Variants in EP400 observed in about 807,000 individuals in gnomAD.
EP400 encodes E1A-binding protein p400.
In EP400, 105 loss-of-function variants were observed where a neutral mutation model predicts 354.1. That is an observed-to-expected ratio of 0.30 (90% CI 0.25 to 0.35). EP400 has a LOEUF of 0.35. EP400 is among the 10% of genes least tolerant of loss of function. The pLI is 1.00. For missense variants in EP400, 3,280 were observed against 4,121.0 expected, an observed-to-expected ratio of 0.80 and a Z score of 5.59; for synonymous variants, 1,646 against 1,716.9, an observed-to-expected ratio of 0.96 and a Z score of 1.02.
At chr12:131,959,419 T>A (rs1340003619) in intron 1 of EP400, among the ~76,000 whole-genome samples, 1 of 152,060 alleles carries the variant, frequency 6.6e-6, no homozygotes, top group African/African-American at 2.4e-5. Flanking sequence ...AGTCCTCCTT[T>A]CCCCTGTAGA....
intron 13 of EP400, among the ~76,000 whole-genome samples, chr12:132,005,401 A>G (rs7313415): frequency 0.13 from 19,091 of 152,134 alleles, 1,636 homozygotes; most frequent in African/African-American, 0.24. Context: ...TCATGTTGTG[A>G]AGGATGTAAA....
intron 51 of EP400, among the ~76,000 whole-genome samples, chr12:132,072,677 C>T: frequency 6.6e-6 from 1 of 152,164 alleles, no homozygotes. Context: ...GTCAAGTTTA[C>T]TGTGTGTGTC....
chr12:131,981,974 G>A (rs186612428), intron 4 of EP400, 119 bp from the exon 5 acceptor site: 29 of 1,318,236 alleles, frequency 2.2e-5, no homozygotes, highest in African/African-American at 5.9e-5. Flanking sequence ...CCAACTTCTC[G>A]TGTGAGTGTG....
chr12:132,029,670 G>C lies in EP400; in HGVS notation c.5382-31G>C. ...GCTGGGTGAAGGTGTGTGGCTCCTGGTGGTGACAAAACATGCTTTCTGCTC... is the reference window on the plus strand; with the variant it reads ...GCTGGGTGAAGGTGTGTGGCTCCTGCTGGTGACAAAACATGCTTTCTGCTC... On this transcript the variant is annotated intron_variant, in intron 27 of 52. Transcript: ENST00000389561. This position sits in a 1 kb window ranked among gnomAD's most constrained non-coding sequence, Gnocchi z 4.7. 1 of 1,604,608 alleles carries C rather than the reference G, an allele frequency of 6.2e-7. No homozygotes were observed. Among genetic ancestry groups the C allele is most frequent in the Non-Finnish European group, 8.5e-7 (1 of 1,174,372 alleles).
At position 131,961,903 on chromosome 12, in the gene EP400, G is replaced by A. The variant is rs62635809; in HGVS notation, c.1284G>A (p.Glu428=). ...LRQNDLDIEE[E]EEEEEEEEEK... ...AGAATGATTTGGACATTGAAGAAGAGGAGGAGGAGGAGGAAGAGGAGGAAG... is the reference window on the plus strand; with the variant it reads ...AGAATGATTTGGACATTGAAGAAGAAGAGGAGGAGGAGGAAGAGGAGGAAG... The change falls in exon 2 of 53, where the codon GAG becomes GAA. Residue 428 remains glutamate, a synonymous_variant. Coordinates refer to ENST00000389561, the MANE Select transcript of EP400 (RefSeq NM_015409.5). The A allele has an allele frequency of 0.013, 20,594 of 1,594,878 alleles. 619 individuals are homozygous for A. The highest frequency in any genetic ancestry group is 0.082 in the South Asian group (7,432 of 90,484).
chr12:132,062,041 G>C, intron 45 of EP400, 69 bp from the exon 46 acceptor site: 1 of 1,423,572 alleles, frequency 7.0e-7, no homozygotes, highest in Non-Finnish European at 9.8e-7. Context: ...TGTCTTCCCT[G>C]CTCTGAGTGT....
intron 7 of EP400, among the ~76,000 whole-genome samples, chr12:131,989,475 T>C (rs960431256): frequency 1.3e-5 from 2 of 152,256 alleles, no homozygotes; most frequent in African/African-American, 4.8e-5. Context: ...TTTTCTCATC[T>C]TAATTCTCTC....
Position 132,079,417 on chromosome 12 carries a change from C to CA in EP400, c.*1745dup, listed in dbSNP as rs1896322683. 6.6e-6 allele frequency: 1 copy of CA among 152,306 alleles called. No individual in the cohort carries two copies. The highest frequency in any genetic ancestry group is 2.1e-4 in the South Asian group (1 of 4,838). 9.4% of individuals were successfully genotyped at this position (152,306 alleles called of 1,614,324 possible). The stretch of plus-strand genomic sequence containing the variant: ...GGAGGGAGGGCCGCTGTGTGCGCCT[C>CA]ACATCTGGCTCCCAGTGGAAACTTT... On this transcript the variant is annotated 3_prime_UTR_variant, in exon 53 of 53. Transcript: ENST00000389561.
At chr12:131,984,369 T>C (rs1269991284) in intron 5 of EP400, among the ~76,000 whole-genome samples, 1 of 152,130 alleles carries the variant, frequency 6.6e-6, no homozygotes, top group Non-Finnish European at 1.5e-5. Flanking sequence ...CCTTATGAGG[T>C]AGAATCTTTA....
intron 16 of EP400, 133 bp downstream of exon 16, chr12:132,011,767 C>T: frequency 2.6e-6 from 3 of 1,174,794 alleles, no homozygotes; most frequent in Non-Finnish European, 2.3e-6. Flanking sequence ...AGTTAACAGA[C>T]CTTTATGTTG....
intron 2 of EP400, among the ~76,000 whole-genome samples, chr12:131,972,834 C>T (rs1015280345): frequency 3.4e-5 from 5 of 146,074 alleles, no homozygotes; most frequent in Non-Finnish European, 7.4e-5. Flanking sequence ...CAGGCTCAAA[C>T]GATTCTCCTG....
intron 45 of EP400, among the ~76,000 whole-genome samples, chr12:132,059,379 C>T (rs1389639241): frequency 2.6e-5 from 4 of 152,010 alleles, no homozygotes; most frequent in Admixed American, 6.5e-5. Flanking sequence ...GGACGGCCCC[C>T]GAGAGGTTGA....
intron 2 of EP400, among the ~76,000 whole-genome samples, chr12:131,962,243 C>G (rs1408602837): frequency 6.6e-6 from 1 of 152,190 alleles, no homozygotes; most frequent in Non-Finnish European, 1.5e-5. Flanking sequence ...GGATTCATCT[C>G]AGGTTCAGAG....
rs1468119373 is a variant in EP400, at chr12:132,054,057, A to G, written c.7728+460A>G. Among the ~76,000 whole-genome samples the G allele has an allele frequency of 2.1e-4, 32 of 152,258 alleles. 1 individual carries two copies. Among genetic ancestry groups the G allele is most frequent in the Admixed American group, 2.1e-3 (32 of 15,292 alleles). ...TTGTAGAAAAGCTGTAAAGCACACA[A>G]GAAGCATTGTGAAAAGAAAGGCAGG... On this transcript the variant is annotated intron_variant, in intron 43 of 52. Coordinates refer to ENST00000389561, the MANE Select transcript of EP400 (RefSeq NM_015409.5). The surrounding 1 kb of genome is among the most constrained non-coding windows in gnomAD (Gnocchi z 4.0).
chr12:132,029,822 C>T lies in EP400; in HGVS notation c.5503C>T (p.Pro1835Ser). ...LRQGLREHAAPYFQQLRQTTA... is the reference protein window; with the variant it reads ...LRQGLREHAASYFQQLRQTTA... ...GCAGGGCCTGAGAGAGCACGCTGCG[C>T]CGTACTTCCAGCAGCTGCGGCAGAC... Residue 1835 changes from proline (P) to serine (S), a missense_variant, in exon 28 of 53, where the codon CCG becomes TCG. Transcript: ENST00000389561. This position sits in a 1 kb window ranked among gnomAD's most constrained non-coding sequence, Gnocchi z 4.7. 6.2e-7 allele frequency: 1 copy of T among 1,613,432 alleles called. No individual in the cohort carries two copies. Among genetic ancestry groups the T allele is most frequent in the South Asian group, 1.1e-5 (1 of 91,090 alleles).
chr12:132,068,700 C>T (rs927651739), intron 50 of EP400: 3 of 152,340 alleles, frequency 2.0e-5, no homozygotes, highest in Middle Eastern at 3.2e-3. Flanking sequence ...CCTGCATCCC[C>T]ACTTGGCACG....
At chr12:131,987,982 A>G (rs1037899809) in intron 7 of EP400, 92 bp downstream of exon 7, 7 of 628,648 alleles carry the variant, frequency 1.1e-5, no homozygotes, top group Non-Finnish European at 2.2e-6. Flanking sequence ...CTCCAGACCC[A>G]CTTTTTTTTT....
At chr12:131,980,134 A>G (rs1260863061) in intron 3 of EP400, among the ~76,000 whole-genome samples, 1 of 152,112 alleles carries the variant, frequency 6.6e-6, no homozygotes, top group African/African-American at 2.4e-5. Context: ...AACTTAATAC[A>G]TTTTTATATA....
chr12:132,021,816 T>C (rs959294303), intron 23 of EP400, among the ~76,000 whole-genome samples: 7 of 152,264 alleles, frequency 4.6e-5, no homozygotes, highest in African/African-American at 1.7e-4. Flanking sequence ...TCAACCAAGA[T>C]AACTTGTAAT....
Sources: gnomAD v4.1 joint callset for allele counts (sites outside exome capture counted in the v4.1 genomes callset) on GRCh38, gnomAD v4.1.1 for gene constraint, Gnocchi (gnomAD v3.1) non-coding constraint, MANE v1.5 for transcripts, NCBI Gene and HGNC (gene_info 2026-07-23, HGNC 2026-07-21) for gene names.